Variants in PDE4D observed in about 807,000 individuals in gnomAD.
PDE4D encodes phosphodiesterase 4D.
Under a neutral mutation model 87.4 loss-of-function variants are expected in PDE4D, and 24 were observed. That is an observed-to-expected ratio of 0.27 (90% confidence interval 0.20 to 0.39). The LOEUF (loss-of-function observed/expected upper bound fraction) is 0.39, where lower values mean the gene tolerates loss of function less well. Among genes scored for constraint, PDE4D ranks in the 10% least tolerant of loss-of-function variants. PDE4D has a pLI of 1.00. For synonymous variants in PDE4D, 384 were observed against 383.2 expected (o/e 1.00, Z -0.02); for missense variants, 714 against 1,041.0 (o/e 0.69, Z 4.32).
At chr5:59,784,313 T>G (rs1404760936) in intron 1 of PDE4D, among the ~76,000 whole-genome samples, 2 of 151,714 alleles carry the variant, frequency 1.3e-5, no homozygotes, top group Non-Finnish European at 2.9e-5. Flanking sequence ...ACCTCAGGAA[T>G]TCATGGATTA....
intron 2 of PDE4D, among the ~76,000 whole-genome samples, chr5:60,064,418 C>T (rs966574172): frequency 6.6e-6 from 1 of 151,952 alleles, no homozygotes; most frequent in Admixed American, 6.6e-5. Flanking sequence ...GCATCTTATG[C>T]CTTTTTGTAT....
At chr5:60,002,561 T>C (rs1311258195) in intron 2 of PDE4D, among the ~76,000 whole-genome samples, 3 of 152,182 alleles carry the variant, frequency 2.0e-5, no homozygotes, top group Non-Finnish European at 4.4e-5. Context: ...ATTAAAAATA[T>C]AATTCACCAT....
chr5:59,316,994 G>A (rs1038747139), intron 1 of PDE4D, among the ~76,000 whole-genome samples: 6 of 152,162 alleles, frequency 3.9e-5, no homozygotes, highest in Non-Finnish European at 8.8e-5. Context: ...TGAGGCTGTG[G>A]TCTCTCCAGA....
At chr5:59,660,748 G>A (rs1225159917) in intron 1 of PDE4D, among the ~76,000 whole-genome samples, 1 of 152,054 alleles carries the variant, frequency 6.6e-6, no homozygotes, top group Non-Finnish European at 1.5e-5. Flanking sequence ...AATCAACAAG[G>A]CTAAGTAAAA....
intron 1 of PDE4D, among the ~76,000 whole-genome samples, chr5:59,370,291 CA>C (rs1409080979): frequency 6.6e-6 from 1 of 152,102 alleles, no homozygotes; most frequent in African/African-American, 2.4e-5. Context: ...GGATAAAATC[CA>C]AACTCTTTTC....
At chr5:59,029,699 T>G (rs890644951) in intron 6 of PDE4D, among the ~76,000 whole-genome samples, 11 of 151,816 alleles carry the variant, frequency 7.2e-5, no homozygotes, top group African/African-American at 1.9e-4. Flanking sequence ...ATCTTAAAAT[T>G]TATATGAACC....
At chr5:59,668,469 G>A (rs958433726) in intron 1 of PDE4D, among the ~76,000 whole-genome samples, 3 of 152,100 alleles carry the variant, frequency 2.0e-5, no homozygotes, top group African/African-American at 7.2e-5. Context: ...CAGAACTTTG[G>A]GAGGCCAAGG....
chr5:60,310,250 C>T (rs776807166), intron 1 of PDE4D, among the ~76,000 whole-genome samples: 43 of 152,100 alleles, frequency 2.8e-4, no homozygotes, highest in Non-Finnish European at 3.7e-4. Context: ...CCCACTTTAC[C>T]AGCATTTTAA....
chr5:60,091,494 T>G (rs531456891), intron 2 of PDE4D, among the ~76,000 whole-genome samples: 2 of 152,104 alleles, frequency 1.3e-5, no homozygotes, highest in Non-Finnish European at 2.9e-5. Context: ...AACAATGCTT[T>G]CAAGGATGTA....
intron 5 of PDE4D, among the ~76,000 whole-genome samples, chr5:59,178,292 CT>C (rs1383971585): frequency 6.6e-6 from 1 of 152,104 alleles, no homozygotes; most frequent in African/African-American, 2.4e-5. Flanking sequence ...AGTTCATTTC[CT>C]GTTGTGCTTT....
At chr5:60,313,791 A>T (rs1270314284) in intron 1 of PDE4D, among the ~76,000 whole-genome samples, 2 of 152,234 alleles carry the variant, frequency 1.3e-5, no homozygotes, top group Admixed American at 1.3e-4. Flanking sequence ...TTCAACATAC[A>T]CAAATCAACA....
intron 2 of PDE4D, among the ~76,000 whole-genome samples, chr5:60,041,505 G>T (rs1480027421): frequency 6.6e-6 from 1 of 152,210 alleles, no homozygotes; most frequent in East Asian, 1.9e-4. Flanking sequence ...ACAGTGGCTG[G>T]CTGGCAAGAT....
rs543322243 is a variant in PDE4D at position 59,654,920 on chromosome 5, C to A, written c.455+238248G>T. Among the ~76,000 whole-genome samples the A allele has an allele frequency of 3.9e-5, 6 of 152,172 alleles. No individual in the cohort carries two copies. In the South Asian group the frequency reaches 1.2e-3, roughly 32 times the overall value. ...GAATTCTTTATTGTTGAATAATATT[C>A]CATTGTATGAATATACCACATTTGT... On this transcript the variant is annotated intron_variant, in intron 1 of 14. Coordinates refer to ENST00000340635, the MANE Select transcript of PDE4D (RefSeq NM_001104631.2).
Position 60,479,770 on chromosome 5 carries a change from G to A in PDE4D, c.-90+8172C>T, listed in dbSNP as rs147650858. On this transcript the variant is annotated intron_variant, in intron 1 of 16. Coordinates refer to the PDE4D transcript ENST00000502484. ...ACTTTATTTACAAAAAACAGATTTG[G>A]CCTACAGGAAGTAGTAGTTTGCCAA... 3.3e-5 allele frequency among the ~76,000 whole-genome samples: 5 copies of A among 152,258 alleles called. No homozygotes were observed. The East Asian group carries it at 9.6e-4, about 29-fold the overall frequency.
At chr5:59,000,007 T>G in intron 6 of PDE4D, 3 of 725,576 alleles carry the variant, frequency 4.1e-6, no homozygotes, top group Non-Finnish European at 5.1e-6. Flanking sequence ...ATTCCAGCTC[T>G]TAGCCTATAA....
At chr5:60,099,087 C>A (rs1052084337) in intron 2 of PDE4D, among the ~76,000 whole-genome samples, 3 of 151,890 alleles carry the variant, frequency 2.0e-5, no homozygotes, top group African/African-American at 7.2e-5. Flanking sequence ...TCTTATGTGG[C>A]AGTTTTGTTT....
intron 2 of PDE4D, among the ~76,000 whole-genome samples, chr5:59,195,552 T>C (rs776135417): frequency 5.3e-5 from 8 of 152,206 alleles, no homozygotes; most frequent in Non-Finnish European, 1.5e-5. Context: ...ACAGAGCCCT[T>C]GTATGAAATG....
chr5:60,308,310 T>C (rs1006490593), intron 1 of PDE4D, among the ~76,000 whole-genome samples: 4 of 152,250 alleles, frequency 2.6e-5, no homozygotes, highest in African/African-American at 7.2e-5. Context: ...TTCTATAGTA[T>C]AATCTTTTGC....
chr5:60,100,107 A>C (rs567746409), intron 2 of PDE4D, among the ~76,000 whole-genome samples: 60 of 152,156 alleles, frequency 3.9e-4, no homozygotes, highest in African/African-American at 1.3e-3. Context: ...ATATGAAAAA[A>C]ATCTTTAGTA....
Sources: allele counts gnomAD v4.1 joint callset (sites outside exome capture counted in the v4.1 genomes callset), GRCh38; gene constraint gnomAD v4.1.1; transcripts MANE v1.5; gene names NCBI Gene and HGNC (gene_info 2026-07-23, HGNC 2026-07-21).